CDH18: variants seen among roughly 807,000 people sequenced by gnomAD.
CDH18 encodes cadherin-18.
In CDH18, 31 loss-of-function variants were observed where a neutral mutation model predicts 67.9. That is an observed-to-expected ratio of 0.46 (90% CI 0.34 to 0.62). The LOEUF is 0.62. Ranked by LOEUF, CDH18 falls within the 20% of genes least tolerant of loss-of-function variation. The probability of loss-of-function intolerance (pLI) is 0.01; values close to 1 mark genes in which losing one functional copy is unlikely to be tolerated. For synonymous variants in CDH18, 362 were observed against 347.2 expected (o/e 1.04, Z -0.48); for missense variants, 890 against 975.5 (o/e 0.91, Z 1.17).
chr5:20,538,287 T>C (rs1052505505), intron 1 of CDH18, among the ~76,000 whole-genome samples: 1 of 152,152 alleles, frequency 6.6e-6, no homozygotes, highest in African/African-American at 2.4e-5. Flanking sequence ...TACTCCTAAT[T>C]AAATTGATCA....
At chr5:20,289,551 T>A (rs903311597) in intron 1 of CDH18, among the ~76,000 whole-genome samples, 42 of 152,082 alleles carry the variant, frequency 2.8e-4, no homozygotes, top group Middle Eastern at 3.4e-3. Context: ...TTAGTGCCAA[T>A]TTTGGGACTT....
intron 1 of CDH18, among the ~76,000 whole-genome samples, chr5:20,543,384 A>G (rs1757163309): frequency 6.6e-6 from 1 of 152,048 alleles, no homozygotes; most frequent in Non-Finnish European, 1.5e-5. Flanking sequence ...TTATATGACA[A>G]TATTTATATT....
rs546607794 is a variant in CDH18, at chr5:20,374,748, T to G, written c.-579-119243A>C. 3.3e-5 allele frequency among the ~76,000 whole-genome samples: 5 copies of G among 152,296 alleles called. No homozygotes were observed. The South Asian group carries it at 1.0e-3, about 32-fold the overall frequency. On this transcript the variant is annotated intron_variant, in intron 1 of 14. Transcript: ENST00000507958. Reference sequence around the variant, plus strand: ...AATGTTCTTTCACAAATAATTGTAATAATTCCAACAATAATGACAATAATG... The same window carrying G: ...AATGTTCTTTCACAAATAATTGTAAGAATTCCAACAATAATGACAATAATG...
intron 2 of CDH18, among the ~76,000 whole-genome samples, chr5:19,958,040 C>G (rs975102215): frequency 2.0e-5 from 3 of 151,786 alleles, no homozygotes; most frequent in South Asian, 2.1e-4. Flanking sequence ...AATAAACTAC[C>G]ATTTTCACCT....
chr5:19,818,601 C>T (rs189238280), intron 3 of CDH18, among the ~76,000 whole-genome samples: 274 of 152,254 alleles, frequency 1.8e-3, no homozygotes, highest in Non-Finnish European at 2.6e-3. Flanking sequence ...GTGAACATCA[C>T]AGGGTATACT....
intron 2 of CDH18, among the ~76,000 whole-genome samples, chr5:19,925,486 A>G (rs902180469): frequency 2.0e-5 from 3 of 151,630 alleles, no homozygotes; most frequent in Non-Finnish European, 2.9e-5. Context: ...ATCGCACTGC[A>G]TTTTTCTTTT....
At chr5:20,376,249 T>A (rs564521129) in intron 1 of CDH18, among the ~76,000 whole-genome samples, 13 of 151,484 alleles carry the variant, frequency 8.6e-5, no homozygotes, top group Non-Finnish European at 1.5e-4. Context: ...GCCCGCCACC[T>A]CGCCCAGCTA....
chr5:20,434,391 G>C (rs1255062636), intron 1 of CDH18, among the ~76,000 whole-genome samples: 2 of 151,986 alleles, frequency 1.3e-5, no homozygotes, highest in Non-Finnish European at 2.9e-5. Context: ...GAAAAAAGTA[G>C]AGGAGATCTG....
At chr5:20,407,339 A>G (rs1001742544) in intron 1 of CDH18, among the ~76,000 whole-genome samples, 13 of 152,262 alleles carry the variant, frequency 8.5e-5, no homozygotes, top group Middle Eastern at 6.8e-3. Context: ...CCTAGGGGCC[A>G]CTAAGAAAAA....
rs766955714 is a variant in CDH18 at position 19,748,112 on chromosome 5, C to CAAAAAAAAAAAAAAAAAAAAA, written c.229-897_229-877dup. Among the ~76,000 whole-genome samples, 144 of 14,850 alleles carry CAAAAAAAAAAAAAAAAAAAAA rather than the reference C, an allele frequency of 9.7e-3. 56 individuals are homozygous for CAAAAAAAAAAAAAAAAAAAAA. The highest frequency in any genetic ancestry group is 0.054 in the East Asian group (12 of 224). 9.7% of individuals were successfully genotyped at this position (14,850 alleles called of 152,430 possible). ...TGGGAGACAGAGCGAGACTCCATCTCAAAAAAAAAAAAAAAAAAAAAGAGT... is the reference window on the plus strand; with the variant it reads ...TGGGAGACAGAGCGAGACTCCATCTCAAAAAAAAAAAAAAAAAAAAAAAAAAAAAAAAAAAAAAAAAAGAGT... On this transcript the variant is annotated intron_variant, in intron 3 of 12. Coordinates refer to ENST00000382275, the MANE Select transcript of CDH18 (RefSeq NM_004934.5).
At chr5:19,521,794 A>C (rs1230972723) in intron 9 of CDH18, among the ~76,000 whole-genome samples, 1 of 152,146 alleles carries the variant, frequency 6.6e-6, no homozygotes, top group Non-Finnish European at 1.5e-5. Flanking sequence ...TAATTTTTGC[A>C]AAGAGAGAAA....
chr5:20,313,712 A>C, intron 1 of CDH18, among the ~76,000 whole-genome samples: 1 of 152,062 alleles, frequency 6.6e-6, no homozygotes, highest in Non-Finnish European at 1.5e-5. Context: ...CACAGTTAGA[A>C]CATGGCTTGA....
At chr5:19,518,628 C>T (rs1347421348) in intron 10 of CDH18, among the ~76,000 whole-genome samples, 6 of 152,140 alleles carry the variant, frequency 3.9e-5, no homozygotes, top group Non-Finnish European at 7.3e-5. Context: ...TGACCTTGAA[C>T]ATCAGACTCC....
At chr5:19,732,357 G>A (rs941957303) in intron 4 of CDH18, among the ~76,000 whole-genome samples, 26 of 152,138 alleles carry the variant, frequency 1.7e-4, no homozygotes, top group African/African-American at 6.0e-4. Context: ...AGAAGGCTGA[G>A]GCAGGAGGGT....
At chr5:20,565,846 G>A (rs1758475590) in intron 1 of CDH18, among the ~76,000 whole-genome samples, 1 of 151,570 alleles carries the variant, frequency 6.6e-6, no homozygotes, top group African/African-American at 2.4e-5. Context: ...TAATCCCTTA[G>A]TGCTATATTC....
chr5:20,534,934 C>T (rs2126566567), intron 1 of CDH18, among the ~76,000 whole-genome samples: 1 of 151,928 alleles, frequency 6.6e-6, no homozygotes, highest in South Asian at 2.1e-4. Context: ...TATATATTAA[C>T]ACTTTTGATA....
intron 9 of CDH18, among the ~76,000 whole-genome samples, chr5:19,540,488 G>A (rs769163456): frequency 5.3e-5 from 8 of 152,124 alleles, no homozygotes; most frequent in Non-Finnish European, 1.2e-4. Context: ...TGCACCTCAC[G>A]TTTCCCTTCT....
At position 19,564,539 on chromosome 5, in the gene CDH18, C is replaced by T. The variant is rs770859088; in HGVS notation, c.1253+7040G>A. Among the ~76,000 whole-genome samples the T allele has an allele frequency of 2.6e-5, 4 of 152,236 alleles. No individual in the cohort carries two copies. The East Asian group carries it at 5.8e-4, about 22-fold the overall frequency. ...TTCATGACCTCCTTACTAAAGATCC[C>T]TTGGACCTTGAGTAAGCATCAACTG... On this transcript the variant is annotated intron_variant, in intron 8 of 12. Transcript: ENST00000382275.
chr5:19,620,034 T>A (rs990589571), intron 5 of CDH18, among the ~76,000 whole-genome samples: 1 of 152,216 alleles, frequency 6.6e-6, no homozygotes, highest in African/African-American at 2.4e-5. Context: ...GACACTGGCA[T>A]CTTAAAATTT....
Sources: gnomAD v4.1 joint callset for allele counts (sites outside exome capture counted in the v4.1 genomes callset) on GRCh38, gnomAD v4.1.1 for gene constraint, MANE v1.5 for transcripts, NCBI Gene and HGNC (gene_info 2026-07-23, HGNC 2026-07-21) for gene names.